The following GDF1 variants were observed in gnomAD, a reference collection of about 807,000 sequenced individuals.
The protein encoded by GDF1 is embryonic growth/differentiation factor 1.
Under a neutral mutation model 7.4 loss-of-function variants are expected in GDF1, and 8 were observed. The observed-to-expected ratio is 1.09, with a 90% CI of 0.64 to 1.96. The LOEUF is 1.96. Ranked by LOEUF, GDF1 falls within the 30% of genes most tolerant of loss-of-function variation. The pLI is 0.00. For synonymous variants in GDF1, 311 were observed against 276.7 expected (o/e 1.12, Z -1.23); for missense variants, 574 against 551.5 (o/e 1.04, Z -0.41).
At position 18,893,437 on chromosome 19, in the gene GDF1, C is replaced by G. The variant is rs1429073399; in HGVS notation, c.-935G>C. 2 of 1,605,258 alleles carry G rather than the reference C, an allele frequency of 1.2e-6. No individual in the cohort carries two copies. The highest frequency in any genetic ancestry group is 2.2e-5 in the South Asian group (2 of 89,356). Reference sequence around the variant, plus strand: ...CTACCGTAGAAGACAGATGGTGGGTCATGGAAGAAGGGGTAGTCGGTGCCA... The same window carrying G: ...CTACCGTAGAAGACAGATGGTGGGTGATGGAAGAAGGGGTAGTCGGTGCCA... On this transcript the variant is annotated 5_prime_UTR_variant, in exon 2 of 8. An upstream start codon of the reference 5' UTR is lost. Transcript: ENST00000247005.
chr19:18,869,018 G>A lies in GDF1; in HGVS notation c.698C>T (p.Ala233Val). The stretch of plus-strand genomic sequence containing the variant: ...GTCGAGGGTCACCAGCAGCAGCGAG[G>A]CCTCGGCCAGGCGCGCGCAGGCGGC... ...APAACARLAE[A>V]SLLLVTLDPR... The change falls in exon 8 of 8, where the codon GCC (alanine) becomes GTC (valine). Residue 233 changes from alanine to valine, a missense_variant. By Grantham distance (64) the Ala-to-Val change is moderately conservative (BLOSUM62 0). Coordinates refer to ENST00000247005, the MANE Select transcript of GDF1 (RefSeq NM_001492.6). The A allele has an allele frequency of 9.2e-7, 1 of 1,087,350 alleles. No homozygotes were observed. The highest frequency in any genetic ancestry group is 1.1e-6 in the Non-Finnish European group (1 of 896,408). 67.4% of individuals were successfully genotyped at this position (1,087,350 alleles called of 1,614,324 possible).
Position 18,880,396 on chromosome 19 carries a change from A to G in GDF1, c.-693T>C, listed in dbSNP as rs763661016. On this transcript the variant is annotated 5_prime_UTR_variant, in exon 4 of 8. Transcript: ENST00000247005. ...TGAACTCAAGCTGCACGTCACTGATATCGTGCAGGAAGAGCACAAGGATGC... is the reference window on the plus strand; with the variant it reads ...TGAACTCAAGCTGCACGTCACTGATGTCGTGCAGGAAGAGCACAAGGATGC... 2 of 1,588,534 alleles carry G rather than the reference A, an allele frequency of 1.3e-6. No individual in the cohort carries two copies. Among genetic ancestry groups the G allele is most frequent in the African/African-American group, 1.3e-5 (1 of 74,434 alleles).
intron 7 of GDF1, 23 bp from the exon 8 acceptor site, chr19:18,869,413 T>G (rs1474940247): frequency 3.9e-6 from 6 of 1,524,758 alleles, no homozygotes; most frequent in Non-Finnish European, 5.3e-6. Flanking sequence ...GAACAGGAAC[T>G]CGGCTCGCGC....
chr19:18,874,420 C>T (rs539525158), intron 6 of GDF1, among the ~76,000 whole-genome samples: 14 of 152,342 alleles, frequency 9.2e-5, no homozygotes, highest in Non-Finnish European at 1.8e-4. Flanking sequence ...CCTCCAGCCT[C>T]GGCCTCCCAA....
Position 18,869,302 on chromosome 19 carries a change from G to T in GDF1, c.414C>A (p.Pro138=), listed in dbSNP as rs1047993053. The T allele has an allele frequency of 5.9e-6, 9 of 1,516,458 alleles. No individual in the cohort carries two copies. In the African/African-American group the frequency reaches 1.3e-4, roughly 22 times the overall value. 93.9% of individuals were successfully genotyped at this position (1,516,458 alleles called of 1,614,324 possible). ...TVVFDLSAVE[P]AERPSRARLE... The stretch of plus-strand genomic sequence containing the variant: ...GGCGGGCCCGGCTCGGGCGCTCAGC[G>T]GGTTCCACAGCCGACAGGTCGAAGA... Residue 138 remains proline, a synonymous_variant, in exon 8 of 8, where the codon CCC becomes CCA. Transcript: ENST00000247005.
chr19:18,869,483 G>T, intron 7 of GDF1, 93 bp from the exon 8 acceptor site: 1 of 1,457,122 alleles, frequency 6.9e-7, no homozygotes, highest in East Asian at 2.7e-5. Context: ...TGAACGCTGG[G>T]GCTCGGGGCG....
At chr19:18,873,797 C>T (rs543443683) in intron 6 of GDF1, among the ~76,000 whole-genome samples, 14 of 149,250 alleles carry the variant, frequency 9.4e-5, no homozygotes, top group South Asian at 8.5e-4. Flanking sequence ...GCCGAGATCT[C>T]ACCACTGTAC....
At chr19:18,894,419 CAAG>C (rs966964061) in intron 1 of GDF1, among the ~76,000 whole-genome samples, 5 of 152,156 alleles carry the variant, frequency 3.3e-5, no homozygotes, top group Admixed American at 2.0e-4. Flanking sequence ...AGGCTGCTGC[CAAG>C]AAGATCAGCT....
intron 3 of GDF1, 71 bp downstream of exon 3, chr19:18,884,016 C>T (rs1482785025): frequency 3.9e-5 from 58 of 1,499,864 alleles, no homozygotes; most frequent in East Asian, 2.4e-4. Context: ...CTCTGTGCCC[C>T]GCCGCAACAT....
intron 2 of GDF1, among the ~76,000 whole-genome samples, chr19:18,888,901 T>G (rs1165649981): frequency 6.0e-5 from 9 of 149,138 alleles, no homozygotes; most frequent in Admixed American, 4.7e-4. Context: ...TTTTTTTTTT[T>G]TTTTTTTTGA....
In GDF1 at chr19:18,878,660, C is replaced by A; in HGVS notation, c.-313+270G>T. Reference sequence around the variant, plus strand: ...ACTCCCGCCACACCAGCCACTAGGCCTGGCCCTCAGTGTCCCTACCGCTGA... The same window carrying A: ...ACTCCCGCCACACCAGCCACTAGGCATGGCCCTCAGTGTCCCTACCGCTGA... On this transcript the variant is annotated intron_variant, in intron 6 of 7. Coordinates refer to ENST00000247005, the MANE Select transcript of GDF1 (RefSeq NM_001492.6). This position sits in a 1 kb window ranked among gnomAD's most constrained non-coding sequence, Gnocchi z 4.6. 1 of 1,283,344 alleles carries A rather than the reference C, an allele frequency of 7.8e-7. No individual in the cohort carries two copies. The highest frequency in any genetic ancestry group is 9.9e-7 in the Non-Finnish European group (1 of 1,006,538). 79.5% of individuals were successfully genotyped at this position (1,283,344 alleles called of 1,614,324 possible). A position where few individuals can be genotyped will look rare whatever the true frequency, so the allele number is the denominator to read the frequency against.
rs2055949006 is a variant in GDF1, at chr19:18,870,511, A to T, written c.-204T>A. ...AGTTGGAGGGGGTGGAGGGGCGGCC[A>T]AGGACGGGGAGCGTGGCCGGGGTAT... is the stretch of plus-strand genomic sequence containing the variant. On this transcript the variant is annotated 5_prime_UTR_variant, in exon 7 of 8. Coordinates refer to ENST00000247005, the MANE Select transcript of GDF1 (RefSeq NM_001492.6). The surrounding 1 kb of genome is among the most constrained non-coding windows in gnomAD (Gnocchi z 5.1). 4.7e-6 allele frequency: 1 copy of T among 211,062 alleles called. No individual in the cohort carries two copies. Among genetic ancestry groups the T allele is most frequent in the Non-Finnish European group, 9.2e-6 (1 of 108,368 alleles). The allele number at this position is 211,062 out of a possible 1,614,324, so 13.1% of individuals were successfully genotyped here. A position where few individuals can be genotyped will look rare whatever the true frequency, so the allele number is the denominator to read the frequency against.
intron 2 of GDF1, among the ~76,000 whole-genome samples, chr19:18,891,564 C>CT (rs1337365223): frequency 6.6e-6 from 1 of 151,916 alleles, no homozygotes; most frequent in Non-Finnish European, 1.5e-5. Flanking sequence ...ACAGCCACTT[C>CT]TTATCATCTT....
At position 18,869,037 on chromosome 19, in the gene GDF1, A is replaced by AGGC; in HGVS notation, c.676_678dup (p.Ala226dup). 2.8e-6 allele frequency: 3 copies of AGGC among 1,073,350 alleles called. No homozygotes were observed. The highest frequency in any genetic ancestry group is 3.4e-6 in the Non-Finnish European group (3 of 887,680). 66.5% of individuals were successfully genotyped at this position (1,073,350 alleles called of 1,614,324 possible). On this transcript the variant is annotated inframe_insertion, in exon 8 of 8. Coordinates refer to ENST00000247005, the MANE Select transcript of GDF1 (RefSeq NM_001492.6). ...AGCGAGGCCTCGGCCAGGCGCGCGCAGGCGGCAGGGGCCCGGGGGCGTAGC... is the reference window on the plus strand; with the variant it reads ...AGCGAGGCCTCGGCCAGGCGCGCGCAGGCGGCGGCAGGGGCCCGGGGGCGTAGC...
At chr19:18,891,805 A>G (rs1014344328) in intron 2 of GDF1, among the ~76,000 whole-genome samples, 1 of 151,746 alleles carries the variant, frequency 6.6e-6, no homozygotes, top group Non-Finnish European at 1.5e-5. Context: ...TCCTGTGCTC[A>G]AGTAATCCTC....
chr19:18,888,695 T>C (rs1280609701), intron 2 of GDF1, among the ~76,000 whole-genome samples: 1 of 150,630 alleles, frequency 6.6e-6, no homozygotes, highest in Non-Finnish European at 1.5e-5. Context: ...CCGGGTGTGG[T>C]AGTACATGCC....
chr19:18,884,090 A>G lies in GDF1; in HGVS notation c.-736T>C. 6.2e-7 allele frequency: 1 copy of G among 1,611,336 alleles called. No homozygotes were observed. Among genetic ancestry groups the G allele is most frequent in the Non-Finnish European group, 8.5e-7 (1 of 1,178,286 alleles). On this transcript the variant is annotated 5_prime_UTR_variant, in exon 3 of 8. Coordinates refer to ENST00000247005, the MANE Select transcript of GDF1 (RefSeq NM_001492.6). The stretch of plus-strand genomic sequence containing the variant: ...TGCCACCCGATCCTGTCCTTACCGG[A>G]AGGCGTAGGAGGAGACGATGAGGAT...
At chr19:18,881,966 T>C (rs977758819) in intron 3 of GDF1, 1 of 152,408 alleles carries the variant, frequency 6.6e-6, no homozygotes, top group Non-Finnish European at 1.5e-5. Context: ...CTCATCACCA[T>C]GCCCAGCTAA....
intron 2 of GDF1, among the ~76,000 whole-genome samples, chr19:18,890,806 A>C (rs1298496513): frequency 1.5e-5 from 2 of 135,272 alleles, no homozygotes; most frequent in Non-Finnish European, 3.3e-5. Flanking sequence ...AAAAAAAAGC[A>C]GCTAAAGGCA....
Sources: gnomAD v4.1 joint callset for allele counts (sites outside exome capture counted in the v4.1 genomes callset) on GRCh38, gnomAD v4.1.1 for gene constraint, Gnocchi (gnomAD v3.1) non-coding constraint, MANE v1.5 for transcripts, NCBI Gene and HGNC (gene_info 2026-07-23, HGNC 2026-07-21) for gene names.